PCDHGA8: variants seen among roughly 807,000 people sequenced by gnomAD.
The protein encoded by PCDHGA8 is protocadherin gamma-A8.
Under a neutral mutation model 59.2 loss-of-function variants are expected in PCDHGA8, and 45 were observed. The ratio of observed to expected loss-of-function variants is 0.76; its 90% CI spans 0.60 to 0.98. The LOEUF is 0.98. PCDHGA8 is among the 50% of genes least tolerant of loss of function. PCDHGA8 has a pLI of 0.00. For synonymous variants in PCDHGA8, 531 were observed against 519.0 expected (o/e 1.02, Z -0.32); for missense variants, 1,257 against 1,196.2 (o/e 1.05, Z -0.75).
rs570083634 is a variant in PCDHGA8, at chr5:141,427,859, C to G, written c.2424+32622C>G. 25 of 1,556,390 alleles carry G rather than the reference C, an allele frequency of 1.6e-5. No homozygotes were observed. The Admixed American group carries it at 2.0e-4, about 13-fold the overall frequency. ...CCTTCGACCACGAGCAGCTGTGCGC[C>G]TTCGAGCTCACGATGCAGGCCCACG... On this transcript the variant is annotated intron_variant, in intron 1 of 3. Coordinates refer to ENST00000398604, the MANE Select transcript of PCDHGA8 (RefSeq NM_032088.2).
At chr5:141,417,635 G>A in intron 1 of PCDHGA8, 1 of 724,902 alleles carries the variant, frequency 1.4e-6, no homozygotes, top group Non-Finnish European at 2.1e-6. Context: ...CTGACGCCGG[G>A]GATCCCTCAG....
At position 141,412,100 on chromosome 5, in the gene PCDHGA8, C is replaced by T. The variant is rs1041242156; in HGVS notation, c.2424+16863C>T. On this transcript the variant is annotated intron_variant, in intron 1 of 3. Coordinates refer to ENST00000398604, the MANE Select transcript of PCDHGA8 (RefSeq NM_032088.2). ...TTGCTACTGGGTTGATGGGCACACA[C>T]AGTTGAAGATATGTGAACCACTGGA... The T allele has an allele frequency of 2.0e-5, 3 of 152,180 alleles. No homozygotes were observed. In the South Asian group the frequency reaches 6.2e-4, roughly 31 times the overall value. 9.4% of individuals were successfully genotyped at this position (152,180 alleles called of 1,614,324 possible).
At position 141,476,090 on chromosome 5, in the gene PCDHGA8, C is replaced by T; in HGVS notation, c.2425-18717C>T. On this transcript the variant is annotated intron_variant, in intron 1 of 3. Coordinates refer to ENST00000398604, the MANE Select transcript of PCDHGA8 (RefSeq NM_032088.2). The surrounding 1 kb of genome is among the most constrained non-coding windows in gnomAD (Gnocchi z 7.6). ...GAAATCTCAGGGACGATCTGGACCC[C>T]GCTGAGAGGAACTGCTTTTGAGTGA... 3 of 1,562,222 alleles carry T rather than the reference C, an allele frequency of 1.9e-6. No individual in the cohort carries two copies. Among genetic ancestry groups the T allele is most frequent in the African/African-American group, 1.4e-5 (1 of 73,764 alleles).
At chr5:141,505,259 C>T in intron 2 of PCDHGA8, 134 bp from the exon 3 acceptor site, 2 of 1,500,262 alleles carry the variant, frequency 1.3e-6, no homozygotes, top group Admixed American at 2.0e-5. Flanking sequence ...GTGCCTCCTA[C>T]CTTGCTGAGA....
intron 1 of PCDHGA8, among the ~76,000 whole-genome samples, chr5:141,444,942 A>C (rs1272061494): frequency 6.6e-6 from 1 of 152,082 alleles, no homozygotes; most frequent in Non-Finnish European, 1.5e-5. Flanking sequence ...AGGAGGGAGG[A>C]GGATCATCTT....
rs368792885 is a variant in PCDHGA8 at position 141,394,552 on chromosome 5, G to C, written c.1739G>C (p.Arg580Pro). Reference sequence around the variant, plus strand: ...TCCACTGGCGTGGAGCTGGCGCCCCGCTCCGCAGAGCGTGGCTACCTGGTG... The same window carrying C: ...TCCACTGGCGTGGAGCTGGCGCCCCCCTCCGCAGAGCGTGGCTACCTGGTG... ...DGSTGVELAP[R>P]SAERGYLVTK... Residue 580 changes from arginine (R) to proline (P), a missense_variant, in exon 1 of 4, where the codon CGC (arginine) becomes CCC (proline). Coordinates refer to ENST00000398604, the MANE Select transcript of PCDHGA8 (RefSeq NM_032088.2). 1 of 1,614,070 alleles carries C rather than the reference G, an allele frequency of 6.2e-7. No individual in the cohort carries two copies. The highest frequency in any genetic ancestry group is 8.5e-7 in the Non-Finnish European group (1 of 1,180,036).
chr5:141,486,146 G>T lies in PCDHGA8; in HGVS notation c.2425-8661G>T. Reference sequence around the variant, plus strand: ...TGAATTTGATGTGCGGGCTCGCGATGGGGGTTCTCCAGCCATGGAGCAACA... The same window carrying T: ...TGAATTTGATGTGCGGGCTCGCGATTGGGGTTCTCCAGCCATGGAGCAACA... On this transcript the variant is annotated intron_variant, in intron 1 of 3. Transcript: ENST00000398604. The surrounding 1 kb of genome is among the most constrained non-coding windows in gnomAD (Gnocchi z 5.0). 6.2e-7 allele frequency: 1 copy of T among 1,614,184 alleles called. No homozygotes were observed. The highest frequency in any genetic ancestry group is 8.5e-7 in the Non-Finnish European group (1 of 1,180,032).
chr5:141,425,337 G>A (rs1327677274), intron 1 of PCDHGA8, among the ~76,000 whole-genome samples: 1 of 152,186 alleles, frequency 6.6e-6, no homozygotes. Flanking sequence ...AAAAAGGAAG[G>A]GTTGGCTTTG....
Position 141,493,034 on chromosome 5 carries a change from G to A in PCDHGA8, c.2425-1773G>A, listed in dbSNP as rs75211372. 6.6e-6 allele frequency among the ~76,000 whole-genome samples: 1 copy of A among 152,230 alleles called. No homozygotes were observed. Among genetic ancestry groups the A allele is most frequent in the African/African-American group, 2.4e-5 (1 of 41,458 alleles). On this transcript the variant is annotated intron_variant, in intron 1 of 3. Transcript: ENST00000398604. This position sits in a 1 kb window ranked among gnomAD's most constrained non-coding sequence, Gnocchi z 4.3. ...GCCAGATGCCAGGGTGCCCTTATGTGTGAGGAAACTACAATAGTAAAAAAC... is the reference window on the plus strand; with the variant it reads ...GCCAGATGCCAGGGTGCCCTTATGTATGAGGAAACTACAATAGTAAAAAAC...
At chr5:141,454,428 CAG>C (rs1412897540) in intron 1 of PCDHGA8, among the ~76,000 whole-genome samples, 1 of 152,172 alleles carries the variant, frequency 6.6e-6, no homozygotes, top group Admixed American at 6.5e-5. Flanking sequence ...TATTTAGAGA[CAG>C]AGTTTCACTC....
At position 141,507,794 on chromosome 5, in the gene PCDHGA8, C is replaced by CT. The variant is rs576191739; in HGVS notation, c.2572+2314dup. On this transcript the variant is annotated intron_variant, in intron 3 of 3. Coordinates refer to ENST00000398604, the MANE Select transcript of PCDHGA8 (RefSeq NM_032088.2). ...CACAGGGCCTGACCCTCGTCTAAGC[C>CT]TGCGCCCTGGGGAACGGACCCTGGG... 7.9e-4 allele frequency among the ~76,000 whole-genome samples: 120 copies of CT among 152,356 alleles called. 2 individuals carry two copies. The highest frequency in any genetic ancestry group is 2.8e-3 in the African/African-American group (115 of 41,592).
intron 1 of PCDHGA8, chr5:141,427,502 G>A (rs1276688816): frequency 1.7e-6 from 1 of 576,718 alleles, no homozygotes; most frequent in East Asian, 4.0e-5. Flanking sequence ...TAACAGATGG[G>A]ACCCTGGATT....
At chr5:141,501,305 A>G (rs2099807563) in intron 2 of PCDHGA8, among the ~76,000 whole-genome samples, 1 of 151,322 alleles carries the variant, frequency 6.6e-6, no homozygotes, top group African/African-American at 2.4e-5. Flanking sequence ...ACACACACAC[A>G]CACACACACA....
rs11410533 is a variant in PCDHGA8, at chr5:141,429,387, TA to T, written c.2424+34158del. ...AAATGGAGAAAATGTGTTTTTTTTT[TA>T]AAAAAAATTGAGATTAAGGTCTCAT... On this transcript the variant is annotated intron_variant, in intron 1 of 3. Transcript: ENST00000398604. Among the ~76,000 whole-genome samples, 10 of 151,446 alleles carry T rather than the reference TA, an allele frequency of 6.6e-5. No individual in the cohort carries two copies. In the South Asian group the frequency reaches 1.0e-3, roughly 16 times the overall value.
chr5:141,471,964 T>C lies in PCDHGA8; in HGVS notation c.2425-22843T>C, dbSNP rs138170906. Among the ~76,000 whole-genome samples, 591 of 152,278 alleles carry C rather than the reference T, an allele frequency of 3.9e-3. 6 individuals are homozygous for C. Among genetic ancestry groups the C allele is most frequent in the Admixed American group, 0.011 (171 of 15,292 alleles). On this transcript the variant is annotated intron_variant, in intron 1 of 3. Transcript: ENST00000398604. ...TCTAAAACTGGATTGTGGGGTTGGT[T>C]GCATTACTGTATAAATTTATTAAAA...
chr5:141,395,193 T>C lies in PCDHGA8; in HGVS notation c.2380T>C (p.Ser794Pro), dbSNP rs748986857. 1.2e-6 allele frequency: 2 copies of C among 1,614,024 alleles called. No individual in the cohort carries two copies. Among genetic ancestry groups the C allele is most frequent in the South Asian group, 1.1e-5 (1 of 91,062 alleles). Reference sequence around the variant, plus strand: ...TGAGAAAAATGATTCTTTGTTAACATCCGTAGATTTTCATGAATATAAGAA... The same window carrying C: ...TGAGAAAAATGATTCTTTGTTAACACCCGTAGATTTTCATGAATATAAGAA... The part of the protein sequence containing the change: ...GCEKNDSLLT[S>P]VDFHEYKNEA... Residue 794 changes from serine to proline, a missense_variant, in exon 1 of 4, where the codon TCC becomes CCC. Transcript: ENST00000398604.
At chr5:141,414,186 G>C in intron 1 of PCDHGA8, 1 of 1,609,824 alleles carries the variant, frequency 6.2e-7, no homozygotes, top group Non-Finnish European at 8.5e-7. Context: ...CTGCAAAAGT[G>C]TTGATTACAG....
chr5:141,472,071 A>T (rs1243864250), intron 1 of PCDHGA8, among the ~76,000 whole-genome samples: 5 of 152,200 alleles, frequency 3.3e-5, no homozygotes, highest in South Asian at 2.1e-4. Context: ...GTCTGTGGTT[A>T]TATCAATGAG....
chr5:141,487,029 T>C lies in PCDHGA8; in HGVS notation c.2425-7778T>C. 1.2e-6 allele frequency: 2 copies of C among 1,614,226 alleles called. No individual in the cohort carries two copies. Among genetic ancestry groups the C allele is most frequent in the Non-Finnish European group, 1.7e-6 (2 of 1,180,040 alleles). ...CTGGAGGCCCCAGATCCCAGCCTGT[T>C]TGCAGTCTCTCGATATGCTGGGGAG... is the stretch of plus-strand genomic sequence containing the variant. On this transcript the variant is annotated intron_variant, in intron 1 of 3. Coordinates refer to ENST00000398604, the MANE Select transcript of PCDHGA8 (RefSeq NM_032088.2). The surrounding 1 kb of genome is among the most constrained non-coding windows in gnomAD (Gnocchi z 5.0).
Sources: gnomAD v4.1 joint callset for allele counts (sites outside exome capture counted in the v4.1 genomes callset) on GRCh38, gnomAD v4.1.1 for gene constraint, Gnocchi (gnomAD v3.1) non-coding constraint, MANE v1.5 for transcripts, NCBI Gene and HGNC (gene_info 2026-07-23, HGNC 2026-07-21) for gene names.